Variants in FSTL4 observed in about 807,000 individuals in gnomAD.
The protein encoded by FSTL4 is follistatin like 4.
A neutral mutation model predicts 78.2 loss-of-function variants in FSTL4; 28 were observed. The observed-to-expected ratio is 0.36, with a 90% CI of 0.27 to 0.49. The LOEUF is 0.49. Ranked by LOEUF, FSTL4 falls within the 20% of genes least tolerant of loss-of-function variation. FSTL4 has a pLI of 0.98. For synonymous variants in FSTL4, 422 were observed against 440.5 expected (o/e 0.96, Z 0.53); for missense variants, 922 against 1,084.9 (o/e 0.85, Z 2.11).
intron 6 of FSTL4, among the ~76,000 whole-genome samples, chr5:133,259,837 C>G (rs1050624591): frequency 6.6e-6 from 1 of 152,008 alleles, no homozygotes; most frequent in Non-Finnish European, 1.5e-5. Flanking sequence ...GAATGACTCC[C>G]GTGTTCCTGA....
At chr5:133,588,073 G>A (rs1490914510) in intron 2 of FSTL4, among the ~76,000 whole-genome samples, 5 of 84,066 alleles carry the variant, frequency 5.9e-5, no homozygotes, top group African/African-American at 1.5e-4. Flanking sequence ...GGGAAAACTG[G>A]CTAGCCATAT....
At chr5:133,472,044 T>C (rs774893489) in intron 3 of FSTL4, among the ~76,000 whole-genome samples, 14 of 152,254 alleles carry the variant, frequency 9.2e-5, no homozygotes, top group Non-Finnish European at 1.9e-4. Flanking sequence ...GGCCACACTA[T>C]AGAAGGAATC....
chr5:133,701,502 CACACACA>C, the FSTL4 span, among the ~76,000 whole-genome samples: 223 of 134,060 alleles, frequency 1.7e-3, 3 homozygotes, highest in Admixed American at 2.2e-3. Context: ...CACACACACA[CACACACA>C]CCCCACAGGC....
chr5:133,818,906 C>T, the FSTL4 span, among the ~76,000 whole-genome samples: 200 of 56,398 alleles, frequency 3.5e-3, no homozygotes, highest in African/African-American at 0.011. Flanking sequence ...CCAACAAAGT[C>T]CAGGAGAAGA....
At chr5:133,689,235 G>A in the FSTL4 span, among the ~76,000 whole-genome samples, 32 of 152,184 alleles carry the variant, frequency 2.1e-4, no homozygotes, top group South Asian at 3.1e-3. Context: ...TCTCCTCAGG[G>A]CTCATCTTGG....
chr5:133,640,764 T>C, the FSTL4 span, among the ~76,000 whole-genome samples: 4 of 152,166 alleles, frequency 2.6e-5, no homozygotes, highest in Non-Finnish European at 4.4e-5. Flanking sequence ...GTACAGCCAA[T>C]ATGTCATTTG....
chr5:133,627,897 T>C, the FSTL4 span, among the ~76,000 whole-genome samples: 1 of 151,980 alleles, frequency 6.6e-6, no homozygotes, highest in Non-Finnish European at 1.5e-5. Flanking sequence ...ATTCAATTTG[T>C]ATTTATCTGT....
At chr5:133,507,322 T>A (rs1330162358) in intron 3 of FSTL4, among the ~76,000 whole-genome samples, 1 of 152,136 alleles carries the variant, frequency 6.6e-6, no homozygotes, top group African/African-American at 2.4e-5. Context: ...CTCTTGATAA[T>A]CTCCCCAAGC....
intron 4 of FSTL4, among the ~76,000 whole-genome samples, chr5:133,349,295 C>CTGTGTGTGTGTGTGTGTGTG (rs1554107119): frequency 1.4e-5 from 2 of 139,682 alleles, no homozygotes; most frequent in East Asian, 2.2e-4. Flanking sequence ...GCCTCTCTCT[C>CTGTGTGTGTGTGTGTGTGTG]TGTGTGTGTG....
chr5:133,737,909 C>T, the FSTL4 span, among the ~76,000 whole-genome samples: 1 of 152,054 alleles, frequency 6.6e-6, no homozygotes, highest in Admixed American at 6.5e-5. Flanking sequence ...GGCCTGATTT[C>T]CTTTCTTTTG....
the FSTL4 span, among the ~76,000 whole-genome samples, chr5:133,669,081 A>G: frequency 6.6e-6 from 1 of 152,252 alleles, no homozygotes; most frequent in African/African-American, 2.4e-5. Flanking sequence ...GAGGTAGCAT[A>G]ATTGGATGCT....
chr5:133,375,508 C>T (rs1755414621), intron 4 of FSTL4, among the ~76,000 whole-genome samples: 1 of 151,920 alleles, frequency 6.6e-6, no homozygotes, highest in Non-Finnish European at 1.5e-5. Context: ...TCAATATTTT[C>T]CTGCCTTGAT....
intron 3 of FSTL4, among the ~76,000 whole-genome samples, chr5:133,510,053 G>A (rs961688578): frequency 6.6e-6 from 1 of 152,254 alleles, no homozygotes; most frequent in Non-Finnish European, 1.5e-5. Context: ...GCTAGGCCCT[G>A]TGCCAAGGTA....
chr5:133,424,994 T>C (rs1756779858), intron 3 of FSTL4, among the ~76,000 whole-genome samples: 1 of 152,130 alleles, frequency 6.6e-6, no homozygotes, highest in African/African-American at 2.4e-5. Flanking sequence ...ACAAAAGATA[T>C]AGCAACATTT....
At chr5:133,838,527 T>A in the FSTL4 span, among the ~76,000 whole-genome samples, 5,555 of 152,270 alleles carry the variant, frequency 0.036, 139 homozygotes, top group Admixed American at 0.055. Context: ...TTGGCTGGGC[T>A]CATCTCAAAG....
At chr5:133,403,595 G>C (rs1254004524) in intron 3 of FSTL4, among the ~76,000 whole-genome samples, 2 of 152,232 alleles carry the variant, frequency 1.3e-5, no homozygotes, top group Non-Finnish European at 2.9e-5. Context: ...GATGGGGAGG[G>C]TGGTGAAGCC....
At chr5:133,763,914 C>T in the FSTL4 span, among the ~76,000 whole-genome samples, 3,505 of 152,226 alleles carry the variant, frequency 0.023, 103 homozygotes, top group African/African-American at 0.071. Flanking sequence ...CAGACGGGCC[C>T]GTGCTCAATT....
At chr5:133,759,827 A>G in the FSTL4 span, among the ~76,000 whole-genome samples, 1 of 152,224 alleles carries the variant, frequency 6.6e-6, no homozygotes, top group African/African-American at 2.4e-5. Flanking sequence ...ATGATTCTAC[A>G]TTCTATTGTA....
the FSTL4 span, among the ~76,000 whole-genome samples, chr5:133,661,598 A>T: frequency 6.6e-6 from 1 of 152,230 alleles, no homozygotes; most frequent in African/African-American, 2.4e-5. Context: ...GAAGGAGATG[A>T]TGTCACTATT....
Sources: allele counts gnomAD v4.1 joint callset (sites outside exome capture counted in the v4.1 genomes callset), GRCh38; gene constraint gnomAD v4.1.1; transcripts MANE v1.5; gene names NCBI Gene and HGNC (gene_info 2026-07-23, HGNC 2026-07-21).